The following ZNF846 variants were observed in gnomAD, a reference collection of about 807,000 sequenced individuals.
ZNF846 encodes the protein zinc finger protein 846, also known as zinc finger protein 420 pseudogene.
Under a neutral mutation model 16.0 loss-of-function variants are expected in ZNF846, and 15 were observed. The ratio of observed to expected loss-of-function variants is 0.94; its 90% CI spans 0.63 to 1.45. The LOEUF is 1.45. Among genes scored for constraint, ZNF846 ranks in the 40% most tolerant of loss-of-function variants. ZNF846 has a pLI of 0.00. For synonymous variants in ZNF846, 229 were observed against 212.0 expected (o/e 1.08, Z -0.70); for missense variants, 714 against 622.3 (o/e 1.15, Z -1.57).
chr19:9,753,108 G>A (rs939006060), downstream of ZNF846, among the ~76,000 whole-genome samples: 4 of 151,442 alleles, frequency 2.6e-5, no homozygotes, highest in African/African-American at 9.8e-5. Context: ...CATGAGGGGG[G>A]TAATCCCATT....
Position 9,765,005 on chromosome 19 carries a change from T to A in ZNF846, c.-55A>T. 6.2e-7 allele frequency: 1 copy of A among 1,602,538 alleles called. No homozygotes were observed. The highest frequency in any genetic ancestry group is 8.6e-7 in the Non-Finnish European group (1 of 1,169,562). On this transcript the variant is annotated 5_prime_UTR_variant, in exon 2 of 6. An upstream start codon of the reference 5' UTR is lost. Transcript: ENST00000397902. ...CCTTGGCTTCTCGATGTTCCTGTCA[T>A]GAAGACAGAAAGTGTCCTGGAAAAA...
upstream of ZNF846, among the ~76,000 whole-genome samples, chr19:9,771,303 GAGTA>G (rs1204693491): frequency 3.3e-5 from 5 of 151,886 alleles, no homozygotes; most frequent in South Asian, 2.1e-4. Flanking sequence ...TCAGCCTCCT[GAGTA>G]AGTGAGATTA....
At chr19:9,753,862 G>GA (rs1164146032), downstream of ZNF846, among the ~76,000 whole-genome samples, 3 of 151,586 alleles carry the variant, frequency 2.0e-5, no homozygotes, top group African/African-American at 7.3e-5. Flanking sequence ...ATATGCTTGA[G>GA]AAAAATGTGT....
At chr19:9,785,418 AATCGAT>A (rs2045548188) in intron 1 of ZNF846, among the ~76,000 whole-genome samples, 1 of 151,430 alleles carries the variant, frequency 6.6e-6, no homozygotes, top group Non-Finnish European at 1.5e-5. Flanking sequence ...GTATGGTCTT[AATCGAT>A]TGCCCTCGTG....
At chr19:9,767,893 A>C (rs896274202) in intron 1 of ZNF846, among the ~76,000 whole-genome samples, 8 of 152,176 alleles carry the variant, frequency 5.3e-5, no homozygotes, top group Non-Finnish European at 1.2e-4. Context: ...ATATCACGCC[A>C]TTGCACTCCA....
exon 6 of ZNF846, chr19:9,757,554 C>G: frequency 1.2e-6 from 2 of 1,612,708 alleles, no homozygotes; most frequent in Non-Finnish European, 1.7e-6. Flanking sequence ...ACATTTCTTA[C>G]ATTCATATGG....
chr19:9,760,024 G>A, intron 4 of ZNF846, 82 bp from the exon 5 acceptor site: 2 of 997,934 alleles, frequency 2.0e-6, no homozygotes, highest in Non-Finnish European at 3.1e-6. Flanking sequence ...GGGCGTGGTG[G>A]CTCACACCTG....
downstream of ZNF846, among the ~76,000 whole-genome samples, chr19:9,751,141 T>C (rs991656741): frequency 7.9e-5 from 12 of 152,144 alleles, no homozygotes; most frequent in African/African-American, 2.7e-4. Flanking sequence ...TTCTGATTAA[T>C]CTCTCAATTC....
At chr19:9,774,688 A>G in intron 1 of ZNF846, 1 of 1,496,072 alleles carries the variant, frequency 6.7e-7, no homozygotes, top group Non-Finnish European at 9.3e-7. Flanking sequence ...ATCCATTCAA[A>G]CTACCAAAGA....
downstream of ZNF846, chr19:9,756,345 G>GTATGTATATA (rs1555711381): frequency 1.2e-5 from 1 of 81,776 alleles, no homozygotes; most frequent in African/African-American, 6.1e-5. Context: ...GTGTGTGTGT[G>GTATGTATATA]TATATATATA....
downstream of ZNF846, among the ~76,000 whole-genome samples, chr19:9,749,200 C>G (rs1331205989): frequency 6.6e-6 from 1 of 152,130 alleles, no homozygotes; most frequent in African/African-American, 2.4e-5. Flanking sequence ...AGTAATAGCC[C>G]TTATAAACCT....
chr19:9,771,950 T>C (rs1013604348), upstream of ZNF846, among the ~76,000 whole-genome samples: 2 of 151,728 alleles, frequency 1.3e-5, no homozygotes, highest in South Asian at 4.2e-4. Context: ...GTATTTTTAG[T>C]AGAGACGAGG....
At chr19:9,758,336 A>C (rs758567572) in exon 6 of ZNF846, 1 of 1,613,404 alleles carries the variant, frequency 6.2e-7, no homozygotes, top group East Asian at 2.2e-5. Flanking sequence ...CTCCACTGTG[A>C]ATTCTTCCAT....
intron 1 of ZNF846, among the ~76,000 whole-genome samples, chr19:9,768,034 A>T (rs1346162601): frequency 6.6e-6 from 1 of 152,196 alleles, no homozygotes; most frequent in African/African-American, 2.4e-5. Context: ...TGAAGGCGGC[A>T]TCCTACTTCC....
intron 4 of ZNF846, among the ~76,000 whole-genome samples, chr19:9,761,000 C>G (rs1283251510): frequency 6.6e-6 from 1 of 151,444 alleles, no homozygotes. Flanking sequence ...GAGTTTGAGA[C>G]CAGCCTGGCC....
At chr19:9,756,684 G>T (rs1180357161), downstream of ZNF846, 2 of 150,128 alleles carry the variant, frequency 1.3e-5, no homozygotes, top group Non-Finnish European at 3.0e-5. Flanking sequence ...CATAAGTGAA[G>T]ATCTTGTAGC....
chr19:9,757,362 C>T (rs181639764), downstream of ZNF846: 160 of 857,050 alleles, frequency 1.9e-4, 4 homozygotes, highest in African/African-American at 2.6e-3. Flanking sequence ...ATGTTAAATT[C>T]ATTCCTATTA....
chr19:9,754,175 T>C (rs529050105), downstream of ZNF846, among the ~76,000 whole-genome samples: 2 of 151,728 alleles, frequency 1.3e-5, no homozygotes, highest in Admixed American at 1.3e-4. Flanking sequence ...CTTTGTCTGA[T>C]ATTAATATAT....
At chr19:9,767,342 T>C (rs2045332651) in intron 1 of ZNF846, among the ~76,000 whole-genome samples, 1 of 151,764 alleles carries the variant, frequency 6.6e-6, no homozygotes, top group Admixed American at 6.6e-5. Flanking sequence ...TCCATGTTGG[T>C]CGGGCTGGTC....
Sources: gnomAD v4.1 joint callset for allele counts (sites outside exome capture counted in the v4.1 genomes callset) on GRCh38, gnomAD v4.1.1 for gene constraint, MANE v1.5 for transcripts, NCBI Gene and HGNC (gene_info 2026-07-23, HGNC 2026-07-21) for gene names.